SPATA6: variants seen among roughly 807,000 people sequenced by gnomAD.
The protein encoded by SPATA6 is spermatogenesis-associated protein 6.
In SPATA6, 56 loss-of-function variants were observed where a neutral mutation model predicts 65.3. The ratio of observed to expected loss-of-function variants is 0.86; its 90% CI spans 0.69 to 1.07. The LOEUF (loss-of-function observed/expected upper bound fraction) is 1.07. Ranked by LOEUF, SPATA6 falls within the 50% of genes least tolerant of loss-of-function variation. The pLI is 0.00. For synonymous variants in SPATA6, 199 were observed against 213.2 expected, an observed-to-expected ratio of 0.93 and a Z score of 0.58; for missense variants, 590 against 594.8, an observed-to-expected ratio of 0.99 and a Z score of 0.08.
intron 11 of SPATA6, among the ~76,000 whole-genome samples, chr1:48,322,031 T>C (rs553495214): frequency 9.2e-5 from 14 of 152,156 alleles, no homozygotes; most frequent in East Asian, 1.9e-4. Flanking sequence ...GGAAAGCTTA[T>C]AGCAGTAAGC....
intron 9 of SPATA6, among the ~76,000 whole-genome samples, chr1:48,382,994 C>T (rs1648928711): frequency 7.8e-6 from 1 of 127,598 alleles, no homozygotes. Context: ...GGCGGCTGGC[C>T]GGGCAGAGGG....
intron 11 of SPATA6, among the ~76,000 whole-genome samples, chr1:48,306,808 A>G (rs1285629496): frequency 6.6e-6 from 1 of 151,890 alleles, no homozygotes; most frequent in African/African-American, 2.4e-5. Flanking sequence ...TAAATGATAG[A>G]GCTTGTTTAA....
intron 1 of SPATA6, among the ~76,000 whole-genome samples, chr1:48,456,159 G>A (rs1656983004): frequency 6.6e-6 from 1 of 152,158 alleles, no homozygotes; most frequent in Non-Finnish European, 1.5e-5. Context: ...AATGGCACCA[G>A]GGCACAGAAA....
At chr1:48,396,108 T>A (rs1486291870) in intron 7 of SPATA6, among the ~76,000 whole-genome samples, 1 of 151,498 alleles carries the variant, frequency 6.6e-6, no homozygotes, top group East Asian at 1.9e-4. Context: ...AAGAAAAAAA[T>A]TCAACAACCC....
chr1:48,324,918 C>G (rs1310497137), intron 11 of SPATA6, among the ~76,000 whole-genome samples: 1 of 152,144 alleles, frequency 6.6e-6, no homozygotes, highest in Non-Finnish European at 1.5e-5. Context: ...TCTTTCCTTG[C>G]AGATGATGCA....
chr1:48,422,283 T>C (rs541845414), intron 3 of SPATA6, among the ~76,000 whole-genome samples: 28 of 152,302 alleles, frequency 1.8e-4, no homozygotes, highest in African/African-American at 5.5e-4. Flanking sequence ...CAGTGACGAA[T>C]GACAAAGCCA....
At chr1:48,355,976 A>G (rs1272615525) in intron 10 of SPATA6, among the ~76,000 whole-genome samples, 3 of 152,194 alleles carry the variant, frequency 2.0e-5, no homozygotes, top group Admixed American at 2.0e-4. Flanking sequence ...TTTCATATGA[A>G]AACAGTAATT....
At chr1:48,452,343 G>C (rs143437355) in intron 2 of SPATA6, among the ~76,000 whole-genome samples, 1 of 151,684 alleles carries the variant, frequency 6.6e-6, no homozygotes, top group Non-Finnish European at 1.5e-5. Flanking sequence ...AAGACTTATA[G>C]GAAGAAGTAC....
the SPATA6 span, among the ~76,000 whole-genome samples, chr1:48,272,488 A>C: frequency 6.6e-6 from 1 of 152,134 alleles, no homozygotes; most frequent in Non-Finnish European, 1.5e-5. Flanking sequence ...ATAAAACTCC[A>C]TCCATGTAGT....
At chr1:48,459,532 A>G (rs1657264539) in intron 1 of SPATA6, among the ~76,000 whole-genome samples, 1 of 152,228 alleles carries the variant, frequency 6.6e-6, no homozygotes, top group African/African-American at 2.4e-5. Context: ...CTTCCCTTTC[A>G]ATAACTAACA....
chr1:48,449,571 T>C (rs1267708147), intron 3 of SPATA6, among the ~76,000 whole-genome samples: 1 of 152,282 alleles, frequency 6.6e-6, no homozygotes, highest in East Asian at 1.9e-4. Flanking sequence ...CTAGTTTTTC[T>C]AACAAATCCA....
chr1:48,277,532 G>A, the SPATA6 span, among the ~76,000 whole-genome samples: 7 of 152,208 alleles, frequency 4.6e-5, no homozygotes, highest in South Asian at 2.1e-4. Flanking sequence ...ATTATATCCC[G>A]CACTTGGCTC....
chr1:48,282,631 T>G, the SPATA6 span, among the ~76,000 whole-genome samples: 2 of 152,072 alleles, frequency 1.3e-5, no homozygotes, highest in Non-Finnish European at 2.9e-5. Flanking sequence ...AAAACCACAG[T>G]GAGATACCAT....
chr1:48,398,553 A>C (rs1404523232), intron 7 of SPATA6, among the ~76,000 whole-genome samples: 1 of 151,774 alleles, frequency 6.6e-6, no homozygotes, highest in African/African-American at 2.4e-5. Flanking sequence ...ATCAGCACTT[A>C]AATCTTGAGG....
chr1:48,362,871 G>C (rs542945636), intron 9 of SPATA6, among the ~76,000 whole-genome samples: 3 of 152,162 alleles, frequency 2.0e-5, no homozygotes, highest in Admixed American at 2.0e-4. Context: ...TCATAGAGGT[G>C]GGAGGGATAC....
chr1:48,430,821 T>C (rs916693419), intron 3 of SPATA6, among the ~76,000 whole-genome samples: 3 of 151,898 alleles, frequency 2.0e-5, no homozygotes, highest in Non-Finnish European at 2.9e-5. Context: ...TTACCAAAAA[T>C]AGCAACTAAA....
At chr1:48,302,527 C>G (rs118097746) in intron 12 of SPATA6, among the ~76,000 whole-genome samples, 1 of 152,170 alleles carries the variant, frequency 6.6e-6, no homozygotes, top group Non-Finnish European at 1.5e-5. Context: ...AGCTTAGTGG[C>G]CAGCAAATGA....
chr1:48,312,757 G>A (rs1199103459), intron 11 of SPATA6, among the ~76,000 whole-genome samples: 1 of 152,144 alleles, frequency 6.6e-6, no homozygotes, highest in Non-Finnish European at 1.5e-5. Flanking sequence ...CCAAGCTAAA[G>A]GAGGAAGTTA....
At chr1:48,436,287 C>T (rs549469672) in intron 3 of SPATA6, 35 of 1,613,658 alleles carry the variant, frequency 2.2e-5, no homozygotes, top group South Asian at 1.4e-4. Context: ...TACAGAAAGC[C>T]GTGATTCTAT....
Sources: gnomAD v4.1 joint callset for allele counts (sites outside exome capture counted in the v4.1 genomes callset) on GRCh38, gnomAD v4.1.1 for gene constraint, MANE v1.5 for transcripts, NCBI Gene and HGNC (gene_info 2026-07-23, HGNC 2026-07-21) for gene names.